The following ZMAT5 variants were observed in gnomAD, a reference collection of about 807,000 sequenced individuals.
ZMAT5 encodes zinc finger matrin-type protein 5.
In ZMAT5, 23 loss-of-function variants were observed where a neutral mutation model predicts 28.0. The observed-to-expected ratio is 0.82, with a 90% CI of 0.59 to 1.16. ZMAT5 has a LOEUF of 1.16. ZMAT5 is among the 50% of genes most tolerant of loss of function. ZMAT5 has a pLI of 0.00. For missense variants in ZMAT5, 173 were observed against 212.7 expected (o/e 0.81, Z 1.16); for synonymous variants, 76 against 84.1 (o/e 0.90, Z 0.52).
intron 1 of ZMAT5, among the ~76,000 whole-genome samples, chr22:29,758,065 A>G (rs1305983962): frequency 6.6e-6 from 1 of 151,574 alleles, no homozygotes; most frequent in African/African-American, 2.4e-5. Context: ...TCTTTCTCTG[A>G]TCACTTGGTC....
intron 4 of ZMAT5, among the ~76,000 whole-genome samples, chr22:29,739,345 G>T (rs2067939297): frequency 6.6e-6 from 1 of 152,184 alleles, no homozygotes; most frequent in South Asian, 2.1e-4. Context: ...CACTCACTCA[G>T]AGCCAGGCCC....
intron 1 of ZMAT5, among the ~76,000 whole-genome samples, chr22:29,755,705 C>T (rs1465126717): frequency 6.6e-6 from 1 of 150,934 alleles, no homozygotes; most frequent in Admixed American, 6.6e-5. Flanking sequence ...TAATAATAAC[C>T]ATAACAATTA....
chr22:29,732,697 G>A (rs1378321712), intron 5 of ZMAT5, among the ~76,000 whole-genome samples: 5 of 141,836 alleles, frequency 3.5e-5, no homozygotes, highest in African/African-American at 8.0e-5. Context: ...CCGAGATCGC[G>A]CCACTGCACT....
At chr22:29,762,493 G>A (rs2068167249) in intron 1 of ZMAT5, among the ~76,000 whole-genome samples, 1 of 152,296 alleles carries the variant, frequency 6.6e-6, no homozygotes, top group Admixed American at 6.5e-5. Context: ...TTCGTCTCCT[G>A]TCAGATCATC....
chr22:29,737,184 C>T (rs1280000785), intron 5 of ZMAT5, among the ~76,000 whole-genome samples: 1 of 151,962 alleles, frequency 6.6e-6, no homozygotes, highest in South Asian at 2.1e-4. Flanking sequence ...CAAAAATCAG[C>T]CAGGTATGAT....
chr22:29,757,050 A>T (rs967104325), intron 1 of ZMAT5, among the ~76,000 whole-genome samples: 37 of 151,688 alleles, frequency 2.4e-4, no homozygotes, highest in East Asian at 3.9e-4. Flanking sequence ...AAATATATAT[A>T]TTTTTTAATT....
chr22:29,738,530 G>T, intron 4 of ZMAT5, 89 bp from the exon 5 acceptor site: 2 of 1,207,514 alleles, frequency 1.7e-6, no homozygotes, highest in Non-Finnish European at 2.4e-6. Flanking sequence ...CAACTGGTAG[G>T]CCCTGAGCAA....
chr22:29,732,739 C>CA (rs131258), intron 5 of ZMAT5, among the ~76,000 whole-genome samples: 163 of 70,148 alleles, frequency 2.3e-3, no homozygotes, highest in Non-Finnish European at 2.8e-3. Context: ...GACTCCTTCT[C>CA]AAAAAAAAAA....
intron 2 of ZMAT5, among the ~76,000 whole-genome samples, chr22:29,745,811 G>A (rs971864045): frequency 2.6e-5 from 4 of 152,246 alleles, no homozygotes; most frequent in African/African-American, 7.2e-5. Flanking sequence ...AGCTGAAGTC[G>A]AGTTCATTCA....
chr22:29,748,467 G>A lies in ZMAT5; in HGVS notation c.78C>T (p.Asn26=), dbSNP rs754470385. The A allele has an allele frequency of 3.8e-5, 62 of 1,614,120 alleles. 1 individual carries two copies. The highest frequency in any genetic ancestry group is 2.0e-4 in the Admixed American group (12 of 60,010). The change falls in exon 2 of 6, where the codon AAC becomes AAT. Residue 26 remains asparagine (N), a synonymous_variant. Transcript: ENST00000344318. The stretch of plus-strand genomic sequence containing the variant: ...TCTTGGCCTTGAGGTGCTGCAGCCC[G>A]TTCAGGTGCTTCTTGCGGTTGTGGA... ...DNLHNRKKHL[N]GLQHLKAKKV...
At chr22:29,745,969 T>C (rs1243581273) in intron 2 of ZMAT5, among the ~76,000 whole-genome samples, 1 of 152,082 alleles carries the variant, frequency 6.6e-6, no homozygotes, top group Non-Finnish European at 1.5e-5. Flanking sequence ...CTGGATTTTA[T>C]TTCATTTATT....
In ZMAT5 at chr22:29,742,490, A is replaced by G. The variant is rs765344527; in HGVS notation, c.128-10T>C. 6.2e-7 allele frequency: 1 copy of G among 1,612,056 alleles called. No individual in the cohort carries two copies. Among genetic ancestry groups the G allele is most frequent in the South Asian group, 1.1e-5 (1 of 91,082 alleles). On this transcript the variant is annotated splice_polypyrimidine_tract_variant and intron_variant, in intron 2 of 5. Coordinates refer to ENST00000344318, the MANE Select transcript of ZMAT5 (RefSeq NM_001003692.2). ...AAGATGGCAGCTGCATCTGCGAGAGAAGAGAGGGACGGGATTCGGATGGTT... is the reference window on the plus strand; with the variant it reads ...AAGATGGCAGCTGCATCTGCGAGAGGAGAGAGGGACGGGATTCGGATGGTT...
At chr22:29,753,202 C>T (rs1396337692) in intron 1 of ZMAT5, among the ~76,000 whole-genome samples, 2 of 152,214 alleles carry the variant, frequency 1.3e-5, no homozygotes, top group Non-Finnish European at 2.9e-5. Flanking sequence ...GCATTTCTGG[C>T]CTTGTTTTCC....
intron 1 of ZMAT5, among the ~76,000 whole-genome samples, chr22:29,761,741 T>C (rs1478915544): frequency 1.3e-5 from 2 of 152,228 alleles, no homozygotes; most frequent in African/African-American, 4.8e-5. Context: ...TTGTGATTCC[T>C]ATTTAAAATA....
chr22:29,739,730 C>T (rs904848349), intron 4 of ZMAT5, among the ~76,000 whole-genome samples: 2 of 152,250 alleles, frequency 1.3e-5, no homozygotes, highest in South Asian at 2.1e-4. Context: ...CTGCAGCTGC[C>T]GCTGCTGCCA....
chr22:29,733,938 CACA>C (rs1259258820), intron 5 of ZMAT5, among the ~76,000 whole-genome samples: 1 of 152,236 alleles, frequency 6.6e-6, no homozygotes, highest in African/African-American at 2.4e-5. Context: ...GCGTGTCTGG[CACA>C]ACTCTGCTCG....
rs542929561 is a variant in ZMAT5, at chr22:29,753,404, A to C, written c.-27-4833T>G. On this transcript the variant is annotated intron_variant, in intron 1 of 5. Coordinates refer to ENST00000344318, the MANE Select transcript of ZMAT5 (RefSeq NM_001003692.2). ...GCTGGGCATAGTGGCGTGTGCCTGTAGTCCCAGCTACTCAGAAGGCTGAGG... is the reference window on the plus strand; with the variant it reads ...GCTGGGCATAGTGGCGTGTGCCTGTCGTCCCAGCTACTCAGAAGGCTGAGG... 1.7e-3 allele frequency among the ~76,000 whole-genome samples: 260 copies of C among 152,356 alleles called. 4 individuals are homozygous for C. In the South Asian group the frequency reaches 0.02, roughly 12 times the overall value.
chr22:29,754,653 T>C (rs2068083293), intron 1 of ZMAT5, among the ~76,000 whole-genome samples: 1 of 152,156 alleles, frequency 6.6e-6, no homozygotes, highest in Non-Finnish European at 1.5e-5. Flanking sequence ...GGAGGATCAC[T>C]GGAGCCCAGG....
At chr22:29,752,076 A>G (rs893174673) in intron 1 of ZMAT5, among the ~76,000 whole-genome samples, 44 of 152,102 alleles carry the variant, frequency 2.9e-4, no homozygotes, top group African/African-American at 1.0e-3. Flanking sequence ...AGAGGTGTGG[A>G]TTATAATCTC....
Sources: allele counts gnomAD v4.1 joint callset (sites outside exome capture counted in the v4.1 genomes callset), GRCh38; gene constraint gnomAD v4.1.1; transcripts MANE v1.5; gene names NCBI Gene and HGNC (gene_info 2026-07-23, HGNC 2026-07-21).